KIAA1217: variants seen among roughly 807,000 people sequenced by gnomAD.
KIAA1217 encodes the protein sickle tail protein homolog.
A neutral mutation model predicts 163.9 loss-of-function variants in KIAA1217; 88 were observed. The observed-to-expected ratio is 0.54, with a 90% CI of 0.45 to 0.64. The LOEUF is 0.64. KIAA1217 is among the 30% of genes least tolerant of loss of function. The pLI, the probability that KIAA1217 is intolerant of heterozygous loss-of-function variation, is 0.00. For synonymous variants in KIAA1217, 903 were observed against 923.1 expected (o/e 0.98, Z 0.39); for missense variants, 2,372 against 2,475.0 (o/e 0.96, Z 0.88).
intron 2 of KIAA1217, among the ~76,000 whole-genome samples, chr10:24,334,476 G>GAAGGAAGGAAGA (rs2046100570): frequency 8.8e-6 from 1 of 114,250 alleles, no homozygotes; most frequent in Non-Finnish European, 2.1e-5. Flanking sequence ...AGGAAGGAAG[G>GAAGGAAGGAAGA]AAGGAAGGAA....
chr10:24,357,248 C>T (rs1304089495), intron 2 of KIAA1217, among the ~76,000 whole-genome samples: 4 of 152,178 alleles, frequency 2.6e-5, no homozygotes, highest in Admixed American at 2.6e-4. Context: ...TGGAGTAGTA[C>T]GAATCACCTT....
intron 2 of KIAA1217, among the ~76,000 whole-genome samples, chr10:24,322,268 A>T (rs1290817029): frequency 1.3e-5 from 2 of 152,132 alleles, no homozygotes; most frequent in African/African-American, 4.8e-5. Flanking sequence ...ATTTATTTTT[A>T]AAAAAGCAAA....
At chr10:23,909,108 A>G (rs1286553167) in intron 1 of KIAA1217, among the ~76,000 whole-genome samples, 1 of 152,184 alleles carries the variant, frequency 6.6e-6, no homozygotes, top group Non-Finnish European at 1.5e-5. Context: ...AGGAATGGTA[A>G]CCAAAACATC....
intron 1 of KIAA1217, among the ~76,000 whole-genome samples, chr10:23,815,250 C>T (rs1436545722): frequency 2.0e-5 from 3 of 151,992 alleles, no homozygotes; most frequent in Admixed American, 6.6e-5. Flanking sequence ...TGGTCCCAAG[C>T]TCTCACTTTT....
chr10:24,370,062 G>A (rs1473719706), intron 2 of KIAA1217, among the ~76,000 whole-genome samples: 4 of 152,178 alleles, frequency 2.6e-5, no homozygotes, highest in African/African-American at 7.2e-5. Context: ...TCAGGAGATC[G>A]AGACCATCCT....
At chr10:23,815,756 G>A (rs1339757590) in intron 1 of KIAA1217, among the ~76,000 whole-genome samples, 1 of 152,164 alleles carries the variant, frequency 6.6e-6, no homozygotes, top group East Asian at 1.9e-4. Context: ...CATATTTCAT[G>A]TATAATGAGT....
chr10:23,952,097 T>A (rs1489813162), intron 1 of KIAA1217, among the ~76,000 whole-genome samples: 2 of 152,188 alleles, frequency 1.3e-5, no homozygotes, highest in African/African-American at 4.8e-5. Context: ...TCATTGAGAA[T>A]CATTACTTAA....
chr10:24,537,001 C>T, intron 17 of KIAA1217, 108 bp downstream of exon 17: 1 of 1,345,628 alleles, frequency 7.4e-7, no homozygotes, highest in Non-Finnish European at 1.0e-6. Flanking sequence ...TCTTTTTTCT[C>T]TCTCTTTTTT....
chr10:24,471,257 T>G (rs2063484082), intron 5 of KIAA1217, among the ~76,000 whole-genome samples: 2 of 152,088 alleles, frequency 1.3e-5, no homozygotes, highest in Admixed American at 6.6e-5. Context: ...GGTCCCTCCC[T>G]CATCCACCCT....
chr10:24,213,396 C>T (rs1445721748), intron 1 of KIAA1217, among the ~76,000 whole-genome samples: 1 of 152,148 alleles, frequency 6.6e-6, no homozygotes, highest in Non-Finnish European at 1.5e-5. Flanking sequence ...AGCCCACCTG[C>T]TTGCCTTCCC....
intron 1 of KIAA1217, among the ~76,000 whole-genome samples, chr10:23,752,011 G>A (rs1839764566): frequency 6.6e-6 from 1 of 152,216 alleles, no homozygotes; most frequent in Non-Finnish European, 1.5e-5. Flanking sequence ...GAGGGCAGAT[G>A]CTGTACCTCA....
chr10:24,542,526 G>A (rs2075241520), intron 17 of KIAA1217, 167 bp from the exon 18 acceptor site: 2 of 1,440,760 alleles, frequency 1.4e-6, no homozygotes, highest in Non-Finnish European at 1.8e-6. Context: ...GGCAGTTGGA[G>A]AACAAAGCAA....
intron 2 of KIAA1217, among the ~76,000 whole-genome samples, chr10:24,287,849 A>G (rs1376819626): frequency 6.6e-6 from 1 of 152,234 alleles, no homozygotes; most frequent in African/African-American, 2.4e-5. Flanking sequence ...TCGATTCATC[A>G]AACTGTTTAG....
intron 2 of KIAA1217, among the ~76,000 whole-genome samples, chr10:24,311,215 T>C (rs72776708): frequency 0.012 from 1,899 of 152,236 alleles, 13 homozygotes; most frequent in Non-Finnish European, 0.02. Flanking sequence ...AACCTCAGGA[T>C]CGGACATGTG....
chr10:23,925,064 AT>A (rs1394428779), intron 1 of KIAA1217, among the ~76,000 whole-genome samples: 1 of 152,116 alleles, frequency 6.6e-6, no homozygotes, highest in Non-Finnish European at 1.5e-5. Context: ...AATATCCCAA[AT>A]TTTTAGTCCC....
intron 2 of KIAA1217, among the ~76,000 whole-genome samples, chr10:24,279,038 C>G (rs2077609163): frequency 6.6e-6 from 1 of 151,850 alleles, no homozygotes; most frequent in Non-Finnish European, 1.5e-5. Flanking sequence ...ATAGTAGAGA[C>G]AGGGTTTGCC....
At chr10:24,357,115 C>T (rs369069342) in intron 2 of KIAA1217, among the ~76,000 whole-genome samples, 2 of 152,134 alleles carry the variant, frequency 1.3e-5, no homozygotes, top group Admixed American at 6.5e-5. Context: ...ATGCCCCACT[C>T]GTACCACGGC....
At chr10:24,459,739 G>A (rs1353527063) in intron 5 of KIAA1217, among the ~76,000 whole-genome samples, 2 of 151,852 alleles carry the variant, frequency 1.3e-5, no homozygotes, top group Non-Finnish European at 2.9e-5. Flanking sequence ...CCTGGGCAAT[G>A]TAGTGAGCTC....
chr10:23,775,391 C>G (rs1564409342), intron 1 of KIAA1217, among the ~76,000 whole-genome samples: 1 of 152,100 alleles, frequency 6.6e-6, no homozygotes, highest in African/African-American at 2.4e-5. Context: ...GATGGCAATA[C>G]TATTGATTGA....
Sources: gnomAD v4.1 joint callset for allele counts (sites outside exome capture counted in the v4.1 genomes callset) on GRCh38, gnomAD v4.1.1 for gene constraint, MANE v1.5 for transcripts, NCBI Gene and HGNC (gene_info 2026-07-23, HGNC 2026-07-21) for gene names.